ACO2: variants seen among roughly 807,000 people sequenced by gnomAD.
The protein encoded by ACO2 is aconitase 2.
A neutral mutation model predicts 84.5 loss-of-function variants in ACO2; 31 were observed. The ratio of observed to expected loss-of-function variants is 0.37; its 90% CI spans 0.28 to 0.50. The LOEUF (loss-of-function observed/expected upper bound fraction) is 0.50. ACO2 is among the 20% of genes least tolerant of loss of function. The probability of loss-of-function intolerance (pLI) is 0.97; values close to 1 mark genes in which losing one functional copy is unlikely to be tolerated. For synonymous variants in ACO2, 414 were observed against 412.7 expected (o/e 1.00, Z -0.04); for missense variants, 685 against 1,029.3 (o/e 0.67, Z 4.58).
At chr22:41,482,915 T>C (rs2038105521) in intron 1 of ACO2, among the ~76,000 whole-genome samples, 1 of 152,234 alleles carries the variant, frequency 6.6e-6, no homozygotes, top group Non-Finnish European at 1.5e-5. Context: ...ACATTTTCAT[T>C]TGATTTAAGA....
intron 1 of ACO2, among the ~76,000 whole-genome samples, chr22:41,475,803 C>A (rs1010173670): frequency 4.0e-5 from 6 of 150,630 alleles, no homozygotes; most frequent in African/African-American, 1.5e-4. Context: ...GAGGCTGAGG[C>A]AGGAGAATCA....
At chr22:41,509,815 CT>C (rs137832) in intron 3 of ACO2, among the ~76,000 whole-genome samples, 30 of 107,872 alleles carry the variant, frequency 2.8e-4, no homozygotes, top group East Asian at 1.9e-3. Flanking sequence ...AGAATATGGT[CT>C]TTTTTTTTTT....
chr22:41,491,867 G>A (rs1464631476), intron 1 of ACO2, among the ~76,000 whole-genome samples: 1 of 152,208 alleles, frequency 6.6e-6, no homozygotes, highest in African/African-American at 2.4e-5. Context: ...AAGTGGTGGA[G>A]CTGGGTTGGG....
intron 2 of ACO2, among the ~76,000 whole-genome samples, chr22:41,506,991 G>A (rs959604641): frequency 7.9e-5 from 12 of 152,028 alleles, no homozygotes; most frequent in Non-Finnish European, 1.8e-4. Context: ...TAGATGGCTG[G>A]GAGGCTTGTG....
chr22:41,492,247 A>G (rs2066276879), intron 1 of ACO2, among the ~76,000 whole-genome samples: 1 of 152,258 alleles, frequency 6.6e-6, no homozygotes, highest in Non-Finnish European at 1.5e-5. Flanking sequence ...TTATTTATTT[A>G]ACATATGAGA....
At chr22:41,499,259 T>C (rs925055363) in intron 1 of ACO2, among the ~76,000 whole-genome samples, 4 of 152,156 alleles carry the variant, frequency 2.6e-5, no homozygotes, top group Non-Finnish European at 5.9e-5. Flanking sequence ...ATGAGTAAGA[T>C]AAATAAGGCT....
intron 17 of ACO2, 161 bp downstream of exon 17, chr22:41,528,183 C>T: frequency 1.7e-6 from 2 of 1,176,940 alleles, no homozygotes; most frequent in Non-Finnish European, 2.4e-6. Context: ...AGTGGCTTCT[C>T]AGAGTTGGGG....
At chr22:41,494,355 T>C (rs1397490941) in intron 1 of ACO2, among the ~76,000 whole-genome samples, 2 of 152,130 alleles carry the variant, frequency 1.3e-5, no homozygotes, top group Non-Finnish European at 2.9e-5. Flanking sequence ...CACACTGTGC[T>C]TGTCTCATAT....
At chr22:41,512,316 G>A (rs2146120657) in intron 4 of ACO2, 1 of 216,204 alleles carries the variant, frequency 4.6e-6, no homozygotes, top group South Asian at 6.8e-5. Flanking sequence ...TTTTTCACAA[G>A]TGTCACCCCT....
intron 6 of ACO2, chr22:41,516,173 G>C (rs1326089792): frequency 4.7e-5 from 29 of 616,882 alleles, no homozygotes; most frequent in South Asian, 4.7e-4. Context: ...GCCACACACG[G>C]TTAGGAGCCA....
At chr22:41,470,785 G>A (rs2037937267) in intron 1 of ACO2, among the ~76,000 whole-genome samples, 1 of 151,910 alleles carries the variant, frequency 6.6e-6, no homozygotes, top group African/African-American at 2.4e-5. Flanking sequence ...TCAAGTAATC[G>A]GCCTGCCTTG....
intron 1 of ACO2, among the ~76,000 whole-genome samples, chr22:41,493,015 G>A (rs2066284127): frequency 6.6e-6 from 1 of 152,134 alleles, no homozygotes. Flanking sequence ...GAGATTGAGG[G>A]GCTGCATCTG....
In ACO2 at chr22:41,523,958, G is replaced by A. The variant is rs372229124; in HGVS notation, c.1482+17G>A. 2.0e-4 allele frequency: 322 copies of A among 1,610,700 alleles called. 1 individual carries two copies. The highest frequency in any genetic ancestry group is 2.7e-4 in the Non-Finnish European group (314 of 1,177,734). On this transcript the variant is annotated intron_variant, in intron 12 of 17. Coordinates refer to ENST00000216254, the MANE Select transcript of ACO2 (RefSeq NM_001098.3). ...TCCCCAGAGGTGAGACTGCCCAGCT[G>A]CGCACAAGCCTGGGATGGCCTCTGG...
intron 2 of ACO2, among the ~76,000 whole-genome samples, chr22:41,505,658 A>C (rs1569012500): frequency 6.6e-6 from 1 of 152,156 alleles, no homozygotes; most frequent in African/African-American, 2.4e-5. Flanking sequence ...TGTGAGGATA[A>C]AATGAGTTTT....
intron 1 of ACO2, among the ~76,000 whole-genome samples, chr22:41,476,005 A>G (rs920267279): frequency 1.3e-5 from 2 of 152,126 alleles, no homozygotes; most frequent in African/African-American, 2.4e-5. Flanking sequence ...GTGGTCCTGC[A>G]GTTAGTTACA....
chr22:41,474,495 G>A (rs954274375), intron 1 of ACO2, among the ~76,000 whole-genome samples: 136 of 148,584 alleles, frequency 9.2e-4, no homozygotes, highest in Middle Eastern at 3.4e-3. Context: ...CGGGTTTCAC[G>A]TGTTAGCCAG....
chr22:41,518,604 T>G, intron 8 of ACO2, 32 bp downstream of exon 8: 1 of 1,548,094 alleles, frequency 6.5e-7, no homozygotes, highest in Non-Finnish European at 8.9e-7. Flanking sequence ...TTCAAGAAGT[T>G]TCTGAGAGTA....
chr22:41,523,407 C>A, intron 11 of ACO2, 129 bp downstream of exon 11: 1 of 720,806 alleles, frequency 1.4e-6, no homozygotes, highest in Non-Finnish European at 2.2e-6. Context: ...GGGACTCTTG[C>A]CCATTAGAAG....
At chr22:41,507,247 C>T (rs1054381031) in intron 2 of ACO2, among the ~76,000 whole-genome samples, 1 of 152,002 alleles carries the variant, frequency 6.6e-6, no homozygotes, top group African/African-American at 2.4e-5. Context: ...GCATCCCAGG[C>T]CTGAGGTGTG....
Sources: allele counts gnomAD v4.1 joint callset (sites outside exome capture counted in the v4.1 genomes callset), GRCh38; gene constraint gnomAD v4.1.1; transcripts MANE v1.5; gene names NCBI Gene and HGNC (gene_info 2026-07-23, HGNC 2026-07-21).